The following FRMPD4 variants were observed in gnomAD, a reference collection of about 807,000 sequenced individuals.
The protein encoded by FRMPD4 is FERM and PDZ domain-containing protein 4.
Under a neutral mutation model 94.1 loss-of-function variants are expected in FRMPD4, and 22 were observed. The observed-to-expected ratio is 0.23, with a 90% CI of 0.17 to 0.33. The LOEUF is 0.33. Among genes scored for constraint, FRMPD4 ranks in the 10% least tolerant of loss-of-function variants. FRMPD4 has a pLI of 1.00. For synonymous variants in FRMPD4, 631 were observed against 548.6 expected, an observed-to-expected ratio of 1.15 and a Z score of -2.10; for missense variants, 1,111 against 1,339.9, an observed-to-expected ratio of 0.83 and a Z score of 2.67.
intron 3 of FRMPD4, among the ~76,000 whole-genome samples, chrX:11,926,802 T>A (rs187191274): frequency 1.8e-5 from 2 of 111,636 alleles, no homozygotes; most frequent in East Asian, 5.6e-4. Flanking sequence ...AATATCGTAC[T>A]GAATGGGCTA....
chrX:12,356,877 C>T (rs2055902921), intron 1 of FRMPD4, among the ~76,000 whole-genome samples: 1 of 111,832 alleles, frequency 8.9e-6, no homozygotes, highest in African/African-American at 3.2e-5. Flanking sequence ...AGAAGATACT[C>T]TATAGATAGT....
chrX:12,535,759 T>G (rs189312751), intron 2 of FRMPD4, among the ~76,000 whole-genome samples: 1 of 111,776 alleles, frequency 8.9e-6, no homozygotes, highest in African/African-American at 3.2e-5. Flanking sequence ...TGTCTGCTTT[T>G]GCACTACAAT....
chrX:12,717,853 C>T lies in FRMPD4; in HGVS notation c.3027C>T (p.Asp1009=). Residue 1009 remains aspartate (D), a synonymous_variant, in exon 16 of 17, where the codon GAC becomes GAT. Coordinates refer to ENST00000675598, the MANE Select transcript of FRMPD4 (RefSeq NM_001368397.1). ...CTATGGAGACTAAGTCGGTCACTGA[C>T]TATTTTAGCAAACTGCACATGGGGT... ...PETMETKSVT[D]YFSKLHMGSV... is the part of the protein sequence containing the mutation. 1 of 1,211,093 alleles carries T rather than the reference C, an allele frequency of 8.3e-7. No individual in the cohort carries two copies. The highest frequency in any genetic ancestry group is 1.1e-6 in the Non-Finnish European group (1 of 894,640).
chrX:12,437,885 A>AGTT (rs1252698702), intron 1 of FRMPD4, among the ~76,000 whole-genome samples: 1 of 111,947 alleles, frequency 8.9e-6, no homozygotes, highest in Non-Finnish European at 1.9e-5. Context: ...TTTCTTGGTT[A>AGTT]GTTGTAATTT....
intron 1 of FRMPD4, among the ~76,000 whole-genome samples, chrX:12,213,158 C>T (rs1228336583): frequency 2.7e-5 from 3 of 111,486 alleles, no homozygotes; most frequent in African/African-American, 9.8e-5. Flanking sequence ...TCTGACTTCT[C>T]GGGTTCTAGA....
At chrX:12,215,528 A>G (rs1488946482) in intron 1 of FRMPD4, among the ~76,000 whole-genome samples, 1 of 112,024 alleles carries the variant, frequency 8.9e-6, no homozygotes, top group East Asian at 2.8e-4. Flanking sequence ...AGTGATTACT[A>G]TGTGCCAGCC....
chrX:12,037,898 C>G (rs1393100624), intron 3 of FRMPD4, among the ~76,000 whole-genome samples: 1 of 111,744 alleles, frequency 8.9e-6, no homozygotes, highest in African/African-American at 3.3e-5. Flanking sequence ...CACGTCCCTG[C>G]AAAGGACATG....
chrX:11,874,446 G>A (rs2053772565), intron 2 of FRMPD4, among the ~76,000 whole-genome samples: 1 of 112,504 alleles, frequency 8.9e-6, no homozygotes, highest in African/African-American at 3.2e-5. Context: ...CACCATGCCT[G>A]GCTATAAAAA....
intron 3 of FRMPD4, among the ~76,000 whole-genome samples, chrX:11,910,747 C>A (rs2053992565): frequency 8.9e-6 from 1 of 111,798 alleles, no homozygotes; most frequent in South Asian, 3.8e-4. Flanking sequence ...ATTTTCCAAC[C>A]AAAATATCAA....
chrX:12,211,087 A>G (rs2056751038), intron 1 of FRMPD4, among the ~76,000 whole-genome samples: 1 of 112,280 alleles, frequency 8.9e-6, no homozygotes, highest in Non-Finnish European at 1.9e-5. Context: ...AACTCAGGAG[A>G]CAACAACTCC....
At chrX:11,920,149 C>T (rs6640812) in intron 3 of FRMPD4, among the ~76,000 whole-genome samples, 38,917 of 110,482 alleles carry the variant, frequency 0.35, 5,420 homozygotes, top group East Asian at 0.84. Flanking sequence ...TATTCTGGGC[C>T]GTTGAGATTC....
At chrX:12,399,783 A>G (rs777740819) in intron 1 of FRMPD4, among the ~76,000 whole-genome samples, 1 of 111,880 alleles carries the variant, frequency 8.9e-6, no homozygotes, top group African/African-American at 3.2e-5. Context: ...TGCCAGAGGC[A>G]GAAGAAAATT....
At chrX:12,389,015 C>A (rs1366523802) in intron 1 of FRMPD4, among the ~76,000 whole-genome samples, 2 of 107,711 alleles carry the variant, frequency 1.9e-5, no homozygotes, top group African/African-American at 6.8e-5. Flanking sequence ...CAATTGAATT[C>A]ATGGAAGCAG....
intron 3 of FRMPD4, among the ~76,000 whole-genome samples, chrX:11,958,558 A>C (rs2054268229): frequency 8.9e-6 from 1 of 111,754 alleles, no homozygotes; most frequent in Non-Finnish European, 1.9e-5. Flanking sequence ...TTTGGCTATT[A>C]TCTCTCTCCT....
chrX:12,471,913 G>A (rs114464129), intron 1 of FRMPD4, among the ~76,000 whole-genome samples: 1,405 of 111,847 alleles, frequency 0.013, 17 homozygotes, highest in African/African-American at 0.04. Context: ...TGACAAAAAT[G>A]TGGATATATA....
chrX:12,533,806 A>C (rs1190812501), intron 2 of FRMPD4, among the ~76,000 whole-genome samples: 1 of 112,464 alleles, frequency 8.9e-6, no homozygotes, highest in Non-Finnish European at 1.9e-5. Flanking sequence ...AAAGGCATTC[A>C]GTTTTATAAG....
intron 1 of FRMPD4, among the ~76,000 whole-genome samples, chrX:12,160,059 A>C (rs1425896306): frequency 1.1e-5 from 1 of 91,961 alleles, no homozygotes; most frequent in Non-Finnish European, 2.1e-5. Context: ...GTAGCTGTAG[A>C]TGTTGAGGGG....
chrX:12,719,514 C>T (rs1343891903), intron 16 of FRMPD4, among the ~76,000 whole-genome samples: 2 of 112,697 alleles, frequency 1.8e-5, no homozygotes, highest in Non-Finnish European at 3.7e-5. Context: ...AAAGCAGATA[C>T]TCTTTCATAC....
At chrX:11,838,397 G>T (rs1207451604) in intron 1 of FRMPD4, among the ~76,000 whole-genome samples, 1 of 111,631 alleles carries the variant, frequency 9.0e-6, no homozygotes, top group African/African-American at 3.2e-5. Flanking sequence ...GGTGTATTGT[G>T]CAAAAGTTAT....
Sources: allele counts gnomAD v4.1 joint callset (sites outside exome capture counted in the v4.1 genomes callset), GRCh38; gene constraint gnomAD v4.1.1; transcripts MANE v1.5; gene names NCBI Gene and HGNC (gene_info 2026-07-23, HGNC 2026-07-21).